FANCL: variants seen among roughly 807,000 people sequenced by gnomAD.
FANCL encodes E3 ubiquitin-protein ligase FANCL.
FANCL carries 69 observed loss-of-function variants against 59.4 expected under a neutral mutation model. The ratio of observed to expected loss-of-function variants is 1.16; its 90% CI spans 0.96 to 1.42. FANCL has a LOEUF of 1.42. FANCL is among the 40% of genes most tolerant of loss of function. The pLI is 0.00. For synonymous variants in FANCL, 180 were observed against 147.1 expected (o/e 1.22, Z -1.62); for missense variants, 519 against 447.2 (o/e 1.16, Z -1.45).
intron 7 of FANCL, among the ~76,000 whole-genome samples, chr2:58,197,819 C>G (rs1408158523): frequency 6.6e-6 from 1 of 152,108 alleles, no homozygotes; most frequent in Non-Finnish European, 1.5e-5. Context: ...TGTTTTCAGT[C>G]ATAATTCATT....
In FANCL at chr2:58,200,900, T is replaced by G. The variant is rs1473147705; in HGVS notation, c.472-2238A>C. ...TTAGACTGATCTTTATGCAAGTGGC[T>G]TTACTTCATATCTGAGTTAAATGAG... On this transcript the variant is annotated intron_variant, in intron 6 of 13. Transcript: ENST00000233741. 3.3e-5 allele frequency among the ~76,000 whole-genome samples: 5 copies of G among 151,646 alleles called. 1 individual carries two copies. The highest frequency in any genetic ancestry group is 3.3e-4 in the Admixed American group (5 of 15,216).
rs772025061 is a variant in FANCL at position 58,165,754 on chromosome 2, G to A, written c.661C>T (p.Arg221Trp). The A allele has an allele frequency of 8.9e-5, 143 of 1,613,880 alleles. No individual in the cohort carries two copies. The highest frequency in any genetic ancestry group is 1.1e-4 in the Non-Finnish European group (128 of 1,179,964). Residue 221 changes from arginine to tryptophan, a missense_variant, in exon 8 of 14, where the codon CGG becomes TGG. Arg to Trp is a moderately radical substitution (Grantham distance 101). Transcript: ENST00000233741. ...GCAATTCTGCGTGCTGTTGCACTCCGTGGAGGTTTTTCTGGCTCAAGTACC... is the reference window on the plus strand; with the variant it reads ...GCAATTCTGCGTGCTGTTGCACTCCATGGAGGTTTTTCTGGCTCAAGTACC... ...TWVLEPEKPPRSATARRIALG... is the reference protein window; with the variant it reads ...TWVLEPEKPPWSATARRIALG...
At chr2:58,233,941 T>C (rs933523248) in intron 1 of FANCL, among the ~76,000 whole-genome samples, 1 of 151,994 alleles carries the variant, frequency 6.6e-6, no homozygotes, top group South Asian at 2.1e-4. Context: ...TAGGCTCTTA[T>C]ACGAGTAAAT....
intron 5 of FANCL, among the ~76,000 whole-genome samples, 159 bp from the exon 6 acceptor site, chr2:58,204,385 G>T (rs901795203): frequency 2.0e-5 from 3 of 152,062 alleles, no homozygotes; most frequent in African/African-American, 7.2e-5. Context: ...TGCTGCTATA[G>T]ATTTACTGCC....
intron 7 of FANCL, 68 bp from the exon 8 acceptor site, chr2:58,165,942 A>C (rs552331424): frequency 1.3e-6 from 2 of 1,504,514 alleles, no homozygotes; most frequent in Admixed American, 1.7e-5. Flanking sequence ...CTTTTACTTA[A>C]AATACACTCA....
chr2:58,198,796 G>A (rs968749874), intron 6 of FANCL, 134 bp from the exon 7 acceptor site: 21 of 657,852 alleles, frequency 3.2e-5, no homozygotes, highest in Middle Eastern at 4.1e-4. Flanking sequence ...TTGGGAGGCC[G>A]AGGCGGGCGG....
chr2:58,201,661 A>G (rs1690036278), intron 6 of FANCL, among the ~76,000 whole-genome samples: 1 of 152,056 alleles, frequency 6.6e-6, no homozygotes, highest in African/African-American at 2.4e-5. Context: ...AAGGTAATTC[A>G]GTACTGAATG....
At position 58,198,814 on chromosome 2, in the gene FANCL, G is replaced by C. The variant is rs529037549; in HGVS notation, c.472-152C>G. ...GGAGGCCGAGGCGGGCGGATCACAAGGTCAGGAGATCGAGATCATCCTGGC... is the reference window on the plus strand; with the variant it reads ...GGAGGCCGAGGCGGGCGGATCACAACGTCAGGAGATCGAGATCATCCTGGC... On this transcript the variant is annotated intron_variant, in intron 6 of 13. Coordinates refer to ENST00000233741, the MANE Select transcript of FANCL (RefSeq NM_018062.4). 527 of 630,256 alleles carry C rather than the reference G, an allele frequency of 8.4e-4. 1 individual carries two copies. The highest frequency in any genetic ancestry group is 1.3e-3 in the Middle Eastern group (3 of 2,266). 39.0% of individuals were successfully genotyped at this position (630,256 alleles called of 1,614,324 possible). A position where few individuals can be genotyped will look rare whatever the true frequency, so the allele number is the denominator to read the frequency against.
chr2:58,204,114 T>G lies in FANCL; in HGVS notation c.471+16A>C, dbSNP rs1026741275. On this transcript the variant is annotated intron_variant, in intron 6 of 13. Transcript: ENST00000233741. ...AGTATTTTCTGATCACAATAACAGT[T>G]TAACGAGGCACATACCTTTGCCTTC... The G allele has an allele frequency of 1.9e-6, 3 of 1,589,592 alleles. No individual in the cohort carries two copies. In the African/African-American group the frequency reaches 4.0e-5, roughly 21 times the overall value.
intron 5 of FANCL, among the ~76,000 whole-genome samples, chr2:58,205,373 G>C (rs1233501892): frequency 6.7e-6 from 1 of 149,332 alleles, no homozygotes; most frequent in South Asian, 2.1e-4. Context: ...AACTATTCTA[G>C]AAAGTGTTTT....
intron 11 of FANCL, among the ~76,000 whole-genome samples, chr2:58,162,593 T>C (rs1050076404): frequency 6.6e-6 from 1 of 151,814 alleles, no homozygotes; most frequent in Non-Finnish European, 1.5e-5. Context: ...GGCCGACTTC[T>C]TCTATATATG....
chr2:58,221,199 A>AG (rs1203525987), intron 5 of FANCL, among the ~76,000 whole-genome samples: 4 of 152,088 alleles, frequency 2.6e-5, no homozygotes, highest in African/African-American at 9.7e-5. Flanking sequence ...AAAAAAAAAA[A>AG]GTGATAAGAA....
intron 9 of FANCL, 75 bp downstream of exon 9, chr2:58,163,359 T>G: frequency 1.0e-6 from 1 of 1,000,926 alleles, no homozygotes; most frequent in Non-Finnish European, 1.6e-6. Flanking sequence ...ATACTAATAT[T>G]GTCTAATAAT....
intron 5 of FANCL, among the ~76,000 whole-genome samples, chr2:58,207,362 T>C (rs1215112952): frequency 1.3e-5 from 2 of 152,158 alleles, no homozygotes; most frequent in East Asian, 3.9e-4. Context: ...TATGAGGGAC[T>C]CAAAATGTGG....
chr2:58,178,749 A>C (rs762682564), intron 7 of FANCL, among the ~76,000 whole-genome samples: 5 of 152,198 alleles, frequency 3.3e-5, no homozygotes, highest in Non-Finnish European at 7.3e-5. Context: ...AGGCAAGAGA[A>C]AGAAATAAAA....
At chr2:58,220,207 T>G (rs1573770048) in intron 5 of FANCL, among the ~76,000 whole-genome samples, 1 of 152,194 alleles carries the variant, frequency 6.6e-6, no homozygotes, top group Non-Finnish European at 1.5e-5. Context: ...GGCTCTTAAG[T>G]ACAGATCGTA....
At chr2:58,237,058 CA>C (rs1279638081) in intron 1 of FANCL, among the ~76,000 whole-genome samples, 2 of 151,982 alleles carry the variant, frequency 1.3e-5, no homozygotes, top group Non-Finnish European at 2.9e-5. Context: ...AAAAAGCAGA[CA>C]AAAAAGTCAG....
rs972208976 is a variant in FANCL, at chr2:58,226,640, C to T, written c.273+88G>A. ...TGACTGAGAGTTAAGAAGACAAATT[C>T]TAATAATGTCAGTTTTTAAAGGAGT... On this transcript the variant is annotated intron_variant, in intron 4 of 13. Coordinates refer to ENST00000233741, the MANE Select transcript of FANCL (RefSeq NM_018062.4). The T allele has an allele frequency of 8.5e-6, 8 of 946,064 alleles. No homozygotes were observed. The African/African-American group carries it at 1.3e-4, about 16-fold the overall frequency. The allele number at this position is 946,064 out of a possible 1,614,324, so 58.6% of individuals were successfully genotyped here.
chr2:58,237,717 G>T (rs1170801074), intron 1 of FANCL, among the ~76,000 whole-genome samples: 2 of 152,178 alleles, frequency 1.3e-5, no homozygotes, highest in Non-Finnish European at 2.9e-5. Flanking sequence ...ATATGAGGAT[G>T]AAAGCTATTT....
Sources: allele counts gnomAD v4.1 joint callset (sites outside exome capture counted in the v4.1 genomes callset), GRCh38; gene constraint gnomAD v4.1.1; transcripts MANE v1.5; gene names NCBI Gene and HGNC (gene_info 2026-07-23, HGNC 2026-07-21).